RALGAPA1: variants seen among roughly 807,000 people sequenced by gnomAD.
The protein encoded by RALGAPA1 is Ral GTPase activating protein catalytic subunit alpha 1, also known as ral GTPase-activating protein subunit alpha-1.
In RALGAPA1, 52 loss-of-function variants were observed where a neutral mutation model predicts 269.6. That is an observed-to-expected ratio of 0.19 (90% CI 0.15 to 0.24). The LOEUF (loss-of-function observed/expected upper bound fraction) is 0.24, where lower values mean the gene tolerates loss of function less well. Among genes scored for constraint, RALGAPA1 ranks in the 10% least tolerant of loss-of-function variants. The pLI is 1.00. For missense variants in RALGAPA1, 1,917 were observed against 3,013.9 expected, an observed-to-expected ratio of 0.64 and a Z score of 8.52; for synonymous variants, 817 against 1,008.3, an observed-to-expected ratio of 0.81 and a Z score of 3.60.
chr14:35,693,686 A>G (rs901167364), intron 17 of RALGAPA1, among the ~76,000 whole-genome samples: 1 of 152,026 alleles, frequency 6.6e-6, no homozygotes, highest in African/African-American at 2.4e-5. Flanking sequence ...GTTGTTTTCA[A>G]GAGATTTACA....
intron 2 of RALGAPA1, 68 bp downstream of exon 2, chr14:35,775,567 C>A: frequency 6.7e-7 from 1 of 1,500,964 alleles, no homozygotes; most frequent in Non-Finnish European, 8.8e-7. Context: ...GTCCAACAGC[C>A]TTTAAGTTAT....
intron 17 of RALGAPA1, among the ~76,000 whole-genome samples, chr14:35,692,718 A>C (rs2066592701): frequency 6.6e-6 from 1 of 152,006 alleles, no homozygotes; most frequent in Non-Finnish European, 1.5e-5. Context: ...ATCAAAGAAG[A>C]AAATAACACT....
chr14:35,742,645 C>G, intron 10 of RALGAPA1, 80 bp from the exon 11 acceptor site: 1 of 973,310 alleles, frequency 1.0e-6, no homozygotes, highest in Non-Finnish European at 1.6e-6. Flanking sequence ...TTTTTCACAT[C>G]ACATCATAGA....
At chr14:35,755,213 G>A (rs192588518) in intron 7 of RALGAPA1, among the ~76,000 whole-genome samples, 41 of 151,776 alleles carry the variant, frequency 2.7e-4, no homozygotes, top group Admixed American at 6.6e-4. Flanking sequence ...GTTTTAGTTC[G>A]CCAGGCTCAG....
intron 16 of RALGAPA1, among the ~76,000 whole-genome samples, chr14:35,708,124 G>T (rs2067970141): frequency 6.6e-6 from 1 of 152,038 alleles, no homozygotes; most frequent in Non-Finnish European, 1.5e-5. Flanking sequence ...ATGGATTAAA[G>T]ACTTAAATCT....
intron 1 of RALGAPA1, among the ~76,000 whole-genome samples, chr14:35,788,186 T>C (rs1384860849): frequency 6.6e-6 from 1 of 151,712 alleles, no homozygotes; most frequent in Non-Finnish European, 1.5e-5. Context: ...TTGGCCAGCC[T>C]GGTCTCAAAC....
At chr14:35,664,358 C>A (rs2063767223) in intron 27 of RALGAPA1, among the ~76,000 whole-genome samples, 1 of 152,168 alleles carries the variant, frequency 6.6e-6, no homozygotes, top group African/African-American at 2.4e-5. Context: ...AGCATAGTAT[C>A]TGGCTCATGG....
At position 35,689,918 on chromosome 14, in the gene RALGAPA1, A is replaced by G; in HGVS notation, c.2493T>C (p.Gly831=). 6.2e-7 allele frequency: 1 copy of G among 1,602,914 alleles called. No homozygotes were observed. The highest frequency in any genetic ancestry group is 8.5e-7 in the Non-Finnish European group (1 of 1,176,478). ...GCAATGGCTGCTCCTCATTCAAAGC[A>G]CCAAAAACTTCATTTCCAGTTTCTT... ...QSEETGNEVF[G]ALNEEQPLPR... Residue 831 remains glycine (G), a synonymous_variant, in exon 18 of 42, where the codon GGT becomes GGC. Transcript: ENST00000680220.
At chr14:35,729,270 T>C (rs939381041) in intron 12 of RALGAPA1, among the ~76,000 whole-genome samples, 1 of 152,028 alleles carries the variant, frequency 6.6e-6, no homozygotes, top group African/African-American at 2.4e-5. Context: ...ATCAAAATAT[T>C]AAAATGGAAA....
At chr14:35,786,013 T>A (rs912112330) in intron 1 of RALGAPA1, among the ~76,000 whole-genome samples, 6 of 151,978 alleles carry the variant, frequency 3.9e-5, no homozygotes, top group Admixed American at 6.6e-5. Context: ...AAAAATTAGC[T>A]GGGCGTGGTA....
At chr14:35,628,015 A>G in intron 33 of RALGAPA1, 64 bp from the exon 34 acceptor site, 1 of 1,461,036 alleles carries the variant, frequency 6.8e-7, no homozygotes, top group Non-Finnish European at 9.2e-7. Flanking sequence ...TATGACAATG[A>G]AATATTAGAC....
At chr14:35,562,196 G>T (rs946058535) in intron 39 of RALGAPA1, among the ~76,000 whole-genome samples, 1 of 152,144 alleles carries the variant, frequency 6.6e-6, no homozygotes, top group Non-Finnish European at 1.5e-5. Flanking sequence ...CAGTAACATA[G>T]GTGGTACAAA....
chr14:35,701,279 C>T (rs549534820), intron 16 of RALGAPA1, among the ~76,000 whole-genome samples: 19 of 152,256 alleles, frequency 1.2e-4, no homozygotes, highest in African/African-American at 4.6e-4. Context: ...AGAAACAATA[C>T]TGCATAATAT....
intron 1 of RALGAPA1, among the ~76,000 whole-genome samples, chr14:35,786,200 A>C (rs902636731): frequency 5.3e-5 from 8 of 152,152 alleles, no homozygotes; most frequent in African/African-American, 1.4e-4. Context: ...ACAGAGTTTC[A>C]GTGTGTAGGC....
chr14:35,591,478 G>C (rs1019328286), intron 37 of RALGAPA1, among the ~76,000 whole-genome samples: 3 of 151,966 alleles, frequency 2.0e-5, no homozygotes, highest in Admixed American at 2.0e-4. Context: ...ACCATGCCTG[G>C]CTAATTTTTA....
At chr14:35,776,587 A>ACT (rs2075044988) in intron 1 of RALGAPA1, among the ~76,000 whole-genome samples, 1 of 152,216 alleles carries the variant, frequency 6.6e-6, no homozygotes, top group Non-Finnish European at 1.5e-5. Context: ...GTTAGTACTA[A>ACT]AAGTGAGATG....
chr14:35,541,803 T>G (rs1345059740), intron 41 of RALGAPA1: 1 of 457,426 alleles, frequency 2.2e-6, no homozygotes, highest in East Asian at 6.9e-5. Context: ...CTGCATTTCT[T>G]TCTTTGTTGT....
At chr14:35,726,670 A>G (rs2069942207) in intron 13 of RALGAPA1, among the ~76,000 whole-genome samples, 1 of 152,196 alleles carries the variant, frequency 6.6e-6, no homozygotes, top group Admixed American at 6.5e-5. Context: ...CCAAAATGCT[A>G]TTACTTCAAG....
Position 35,671,372 on chromosome 14 carries a change from A to G in RALGAPA1, c.5202+17T>C. ...GGCTAAAGTTTGTTATATGATAAGG[A>G]ACAGGAAATGACTTACATTGAGAAA... On this transcript the variant is annotated intron_variant, in intron 26 of 41. Transcript: ENST00000680220. The G allele has an allele frequency of 6.3e-7, 1 of 1,597,802 alleles. No individual in the cohort carries two copies. Among genetic ancestry groups the G allele is most frequent in the African/African-American group, 1.3e-5 (1 of 74,432 alleles).
Sources: gnomAD v4.1 joint callset for allele counts (sites outside exome capture counted in the v4.1 genomes callset) on GRCh38, gnomAD v4.1.1 for gene constraint, MANE v1.5 for transcripts, NCBI Gene and HGNC (gene_info 2026-07-23, HGNC 2026-07-21) for gene names.